The following LRRIQ1 variants were observed in gnomAD, a reference collection of about 807,000 sequenced individuals.
LRRIQ1 encodes leucine-rich repeat- and IQ domain-containing protein 1.
In LRRIQ1, 210 loss-of-function variants were observed where a neutral mutation model predicts 211.9. That is an observed-to-expected ratio of 0.99 (90% CI 0.89 to 1.11). LRRIQ1 has a LOEUF of 1.11. Among genes scored for constraint, LRRIQ1 ranks in the 50% most tolerant of loss-of-function variants. The pLI is 0.00. For missense variants in LRRIQ1, 2,136 were observed against 1,939.5 expected, an observed-to-expected ratio of 1.10 and a Z score of -1.90; for synonymous variants, 699 against 650.1, an observed-to-expected ratio of 1.08 and a Z score of -1.14.
intron 17 of LRRIQ1, among the ~76,000 whole-genome samples, chr12:85,127,614 A>G (rs1888456157): frequency 6.6e-6 from 1 of 152,166 alleles, no homozygotes. Flanking sequence ...CCTTTTACCC[A>G]CATACCCAAC....
Position 85,124,317 on chromosome 12 carries a change from G to A in LRRIQ1, c.3805G>A (p.Asp1269Asn). 2 of 1,614,022 alleles carry A rather than the reference G, an allele frequency of 1.2e-6. No individual in the cohort carries two copies. The highest frequency in any genetic ancestry group is 1.7e-6 in the Non-Finnish European group (2 of 1,180,012). Residue 1269 changes from aspartate to asparagine, a missense_variant, in exon 17 of 27, where the codon GAC becomes AAC. Asp to Asn is a conservative substitution (Grantham distance 23, BLOSUM62 1). Coordinates refer to ENST00000393217, the MANE Select transcript of LRRIQ1 (RefSeq NM_001079910.2). ...ACCAGATATTCCTGAGAAATGGATGGACTCTGTCTCCAGCCACTCCCCATT... is the reference window on the plus strand; with the variant it reads ...ACCAGATATTCCTGAGAAATGGATGAACTCTGTCTCCAGCCACTCCCCATT... ...DSPDIPEKWM[D>N]SVSSHSPLSK...
chr12:85,145,892 G>A (rs1057446518), intron 19 of LRRIQ1, among the ~76,000 whole-genome samples: 3 of 151,664 alleles, frequency 2.0e-5, no homozygotes, highest in Non-Finnish European at 4.4e-5. Context: ...AATTGTTAGA[G>A]ATCCATGGAG....
rs968199995 is a variant in LRRIQ1, at chr12:85,127,736, C to A, written c.4008-96C>A. On this transcript the variant is annotated intron_variant, in intron 17 of 26. Transcript: ENST00000393217. ...ATTTTTAAATAATACTTTATGTGTTCTTTGTTTAAAATCTTGTTTAGGAGG... is the reference window on the plus strand; with the variant it reads ...ATTTTTAAATAATACTTTATGTGTTATTTGTTTAAAATCTTGTTTAGGAGG... 10 of 962,868 alleles carry A rather than the reference C, an allele frequency of 1.0e-5. No individual in the cohort carries two copies. In the South Asian group the frequency reaches 1.3e-4, roughly 12 times the overall value. The allele number at this position is 962,868 out of a possible 1,614,324, so 59.6% of individuals were successfully genotyped here.
At chr12:85,247,433 AT>A (rs890410099), downstream of LRRIQ1, among the ~76,000 whole-genome samples, 4 of 151,634 alleles carry the variant, frequency 2.6e-5, no homozygotes, top group African/African-American at 9.6e-5. Flanking sequence ...TTTTCTAGAT[AT>A]TTCTCTTTTA....
At position 85,047,485 on chromosome 12, in the gene LRRIQ1, T is replaced by C. The variant is rs1264732741; in HGVS notation, c.678+15T>C. ...ACATTCAGAAGGTATTTTGCTTTTG[T>C]TTTTCATGTATTTTTAAAATCAGTA... On this transcript the variant is annotated intron_variant, in intron 6 of 26. Transcript: ENST00000393217. The C allele has an allele frequency of 9.4e-6, 15 of 1,597,966 alleles. No homozygotes were observed. The highest frequency in any genetic ancestry group is 1.2e-5 in the Non-Finnish European group (14 of 1,170,414).
At chr12:85,203,922 T>G (rs903446482) in intron 24 of LRRIQ1, among the ~76,000 whole-genome samples, 6 of 152,230 alleles carry the variant, frequency 3.9e-5, no homozygotes, top group African/African-American at 1.4e-4. Flanking sequence ...ACCCAAATGT[T>G]AACCCCCAAG....
chr12:85,177,036 C>T (rs1911525), intron 24 of LRRIQ1, among the ~76,000 whole-genome samples: 1 of 152,070 alleles, frequency 6.6e-6, no homozygotes, highest in Non-Finnish European at 1.5e-5. Context: ...GGTTAAGTTA[C>T]TAAACCTTCC....
At chr12:85,168,977 CACA>C (rs1891282454) in intron 24 of LRRIQ1, among the ~76,000 whole-genome samples, 1 of 152,170 alleles carries the variant, frequency 6.6e-6, no homozygotes, top group African/African-American at 2.4e-5. Context: ...TAACCTGTCT[CACA>C]ACACCACTCA....
intron 24 of LRRIQ1, among the ~76,000 whole-genome samples, chr12:85,202,416 A>G (rs2137025111): frequency 6.6e-6 from 1 of 152,230 alleles, no homozygotes; most frequent in South Asian, 2.1e-4. Flanking sequence ...GTGCTATCTA[A>G]GCCTCTTCAT....
chr12:85,235,381 G>A (rs1319904553), intron 26 of LRRIQ1, among the ~76,000 whole-genome samples: 6 of 152,172 alleles, frequency 3.9e-5, no homozygotes, highest in Non-Finnish European at 7.4e-5. Context: ...ATTCAGCAGA[G>A]CTTTCCAAAA....
chr12:85,199,067 T>C (rs1339933741), intron 24 of LRRIQ1, among the ~76,000 whole-genome samples: 1 of 152,162 alleles, frequency 6.6e-6, no homozygotes, highest in African/African-American at 2.4e-5. Flanking sequence ...AAGTTGTCTG[T>C]TTACTCCGTT....
intron 15 of LRRIQ1, 78 bp downstream of exon 15, chr12:85,106,693 A>G: frequency 1.1e-6 from 1 of 930,922 alleles, no homozygotes; most frequent in East Asian, 2.5e-5. Context: ...TTGTCCTGTG[A>G]ATAACAATTA....
intron 24 of LRRIQ1, among the ~76,000 whole-genome samples, chr12:85,207,586 A>T (rs1348310892): frequency 6.6e-6 from 1 of 152,106 alleles, no homozygotes; most frequent in Non-Finnish European, 1.5e-5. Flanking sequence ...TGTATCTAAA[A>T]AGTTATCACC....
At chr12:85,226,692 C>G (rs1473496846) in intron 24 of LRRIQ1, among the ~76,000 whole-genome samples, 1 of 129,586 alleles carries the variant, frequency 7.7e-6, no homozygotes, top group South Asian at 2.8e-4. Flanking sequence ...CCCCCCACCC[C>G]CCAGCAGGCC....
chr12:85,235,320 G>A (rs1895127135), intron 26 of LRRIQ1, among the ~76,000 whole-genome samples: 1 of 152,106 alleles, frequency 6.6e-6, no homozygotes, highest in African/African-American at 2.4e-5. Context: ...TATAATTCAG[G>A]TTTCCCAGGA....
chr12:85,270,783 T>G, the LRRIQ1 span, among the ~76,000 whole-genome samples: 5 of 152,170 alleles, frequency 3.3e-5, no homozygotes, highest in Admixed American at 3.3e-4. Context: ...TGGAGATAAA[T>G]AGCCTTCATT....
intron 18 of LRRIQ1, among the ~76,000 whole-genome samples, chr12:85,134,372 T>C (rs1322689084): frequency 6.6e-6 from 1 of 152,082 alleles, no homozygotes; most frequent in East Asian, 1.9e-4. Context: ...GTCCATAGCA[T>C]TTATTTAGCA....
intron 11 of LRRIQ1, among the ~76,000 whole-genome samples, chr12:85,088,923 A>G (rs1410462532): frequency 2.0e-5 from 3 of 152,102 alleles, no homozygotes; most frequent in Non-Finnish European, 2.9e-5. Context: ...CTAATTGAAT[A>G]CCATTTATTT....
At chr12:85,138,836 C>A (rs770186778) in intron 19 of LRRIQ1, among the ~76,000 whole-genome samples, 6 of 151,516 alleles carry the variant, frequency 4.0e-5, no homozygotes, top group Non-Finnish European at 8.9e-5. Context: ...ATATGACCAT[C>A]ATTTTTCCAA....
Sources: allele counts gnomAD v4.1 joint callset (sites outside exome capture counted in the v4.1 genomes callset), GRCh38; gene constraint gnomAD v4.1.1; transcripts MANE v1.5; gene names NCBI Gene and HGNC (gene_info 2026-07-23, HGNC 2026-07-21).